EFNA5: variants seen among roughly 807,000 people sequenced by gnomAD.
EFNA5 encodes ephrin A5.
Under a neutral mutation model 22.9 loss-of-function variants are expected in EFNA5, and 5 were observed. The observed-to-expected ratio is 0.22, with a 90% CI of 0.11 to 0.46. The LOEUF (loss-of-function observed/expected upper bound fraction) is 0.46, where lower values mean the gene tolerates loss of function less well. Among genes scored for constraint, EFNA5 ranks in the 20% least tolerant of loss-of-function variants. The probability of loss-of-function intolerance (pLI) is 0.99; values close to 1 mark genes in which losing one functional copy is unlikely to be tolerated. For missense variants in EFNA5, 237 were observed against 293.3 expected (o/e 0.81, Z 1.40); for synonymous variants, 113 against 112.2 (o/e 1.01, Z -0.04).
intron 2 of EFNA5, among the ~76,000 whole-genome samples, chr5:107,393,893 G>A (rs1394921215): frequency 1.3e-5 from 2 of 152,168 alleles, no homozygotes; most frequent in Non-Finnish European, 2.9e-5. Context: ...TACATGAGTG[G>A]AGTGGGGAAA....
intron 1 of EFNA5, among the ~76,000 whole-genome samples, chr5:107,497,916 T>G (rs866695427): frequency 2.0e-5 from 3 of 152,218 alleles, no homozygotes; most frequent in Admixed American, 6.5e-5. Context: ...ATTTTTATTA[T>G]TAGTAGTATT....
intron 1 of EFNA5, among the ~76,000 whole-genome samples, chr5:107,457,398 CTGA>C (rs1749723148): frequency 6.6e-6 from 1 of 152,048 alleles, no homozygotes; most frequent in African/African-American, 2.4e-5. Flanking sequence ...GCTTAAGTCC[CTGA>C]TATAAAAAGG....
intron 1 of EFNA5, among the ~76,000 whole-genome samples, chr5:107,526,088 C>A (rs570787541): frequency 4.6e-5 from 7 of 152,210 alleles, no homozygotes; most frequent in Non-Finnish European, 1.0e-4. Context: ...GTATAGCCAG[C>A]AAATACGGAA....
chr5:107,631,330 T>C (rs1464876286), intron 1 of EFNA5, among the ~76,000 whole-genome samples: 1 of 151,720 alleles, frequency 6.6e-6, no homozygotes, highest in Non-Finnish European at 1.5e-5. Flanking sequence ...TTCATATATA[T>C]GGAATATTTT....
chr5:107,449,288 C>T (rs140817916), intron 1 of EFNA5, among the ~76,000 whole-genome samples: 32 of 151,700 alleles, frequency 2.1e-4, no homozygotes, highest in African/African-American at 5.1e-4. Context: ...GAGTGTCCAA[C>T]GCCTAGAGGC....
At chr5:107,661,356 GAAACTT>G (rs1229489800) in intron 1 of EFNA5, among the ~76,000 whole-genome samples, 4 of 152,290 alleles carry the variant, frequency 2.6e-5, no homozygotes, top group African/African-American at 9.6e-5. Context: ...GGTAAGGTGA[GAAACTT>G]AAAATGAAAA....
chr5:107,434,613 T>C (rs1406674669), intron 1 of EFNA5, among the ~76,000 whole-genome samples: 1 of 152,210 alleles, frequency 6.6e-6, no homozygotes, highest in Non-Finnish European at 1.5e-5. Context: ...AGAACCTGCT[T>C]CCAGGGAAAT....
At chr5:107,589,316 A>G (rs1203460724) in intron 1 of EFNA5, among the ~76,000 whole-genome samples, 2 of 152,216 alleles carry the variant, frequency 1.3e-5, no homozygotes, top group Non-Finnish European at 2.9e-5. Flanking sequence ...TGGTCATTTG[A>G]GTTTCATTCC....
chr5:107,621,859 G>A (rs1257492813), intron 1 of EFNA5, among the ~76,000 whole-genome samples: 2 of 152,198 alleles, frequency 1.3e-5, no homozygotes, highest in Non-Finnish European at 2.9e-5. Context: ...CAAGATGTGA[G>A]TTTGGTTTTA....
intron 1 of EFNA5, among the ~76,000 whole-genome samples, chr5:107,667,338 C>A (rs1751098655): frequency 6.6e-6 from 1 of 151,972 alleles, no homozygotes; most frequent in Non-Finnish European, 1.5e-5. Context: ...GAAGTGAATA[C>A]CTGGGTACAT....
intron 1 of EFNA5, among the ~76,000 whole-genome samples, chr5:107,473,401 C>A (rs1750196639): frequency 6.6e-6 from 1 of 151,672 alleles, no homozygotes; most frequent in African/African-American, 2.4e-5. Flanking sequence ...CTAATGAATT[C>A]CACTTATTCT....
chr5:107,477,712 T>C (rs1443093990), intron 1 of EFNA5, among the ~76,000 whole-genome samples: 1 of 152,232 alleles, frequency 6.6e-6, no homozygotes, highest in Non-Finnish European at 1.5e-5. Context: ...CTACCTGCAC[T>C]GTTTCCTTTT....
At chr5:107,481,346 A>T (rs545075625) in intron 1 of EFNA5, among the ~76,000 whole-genome samples, 2 of 152,214 alleles carry the variant, frequency 1.3e-5, no homozygotes. Context: ...GGCCTTCTCC[A>T]TCGCACTGGG....
rs1228233421 is a variant in EFNA5, at chr5:107,580,736, AAAAAGAAAAG to A, written c.125+89743_125+89752del. 4.0e-3 allele frequency among the ~76,000 whole-genome samples: 588 copies of A among 147,450 alleles called. 7 individuals are homozygous for A. Among genetic ancestry groups the A allele is most frequent in the Non-Finnish European group, 4.3e-3 (291 of 67,190 alleles). ...GACTCCATCTCAAAAAAAAAAAAAA[AAAAAGAAAAG>A]AAAAGAAAAGAAAAAAGAAAAACAA... On this transcript the variant is annotated intron_variant, in intron 1 of 4. Transcript: ENST00000333274.
At chr5:107,387,527 T>C (rs1425078003) in intron 3 of EFNA5, among the ~76,000 whole-genome samples, 179 bp downstream of exon 3, 1 of 152,132 alleles carries the variant, frequency 6.6e-6, no homozygotes, top group Non-Finnish European at 1.5e-5. Flanking sequence ...TGTACTTAAG[T>C]AAAAGCATCA....
intron 2 of EFNA5, among the ~76,000 whole-genome samples, chr5:107,408,190 CATCA>C (rs1748271812): frequency 1.3e-5 from 2 of 151,968 alleles, no homozygotes; most frequent in African/African-American, 2.4e-5. Flanking sequence ...CACACACACC[CATCA>C]CCATCACCAT....
chr5:107,580,411 G>A (rs1266652250), intron 1 of EFNA5, among the ~76,000 whole-genome samples: 1 of 152,014 alleles, frequency 6.6e-6, no homozygotes, highest in African/African-American at 2.4e-5. Context: ...AAATTAGGGT[G>A]AGCAACTGCA....
At chr5:107,487,490 A>G (rs1284817586) in intron 1 of EFNA5, among the ~76,000 whole-genome samples, 2 of 152,264 alleles carry the variant, frequency 1.3e-5, no homozygotes, top group Non-Finnish European at 2.9e-5. Context: ...AATAAAGGAA[A>G]GAAGGAATAT....
chr5:107,547,270 T>A (rs1434906936), intron 1 of EFNA5, among the ~76,000 whole-genome samples: 1 of 152,178 alleles, frequency 6.6e-6, no homozygotes, highest in African/African-American at 2.4e-5. Context: ...AGCAAGGCAT[T>A]TTCCCATAGA....
Sources: gnomAD v4.1 joint callset for allele counts (sites outside exome capture counted in the v4.1 genomes callset) on GRCh38, gnomAD v4.1.1 for gene constraint, MANE v1.5 for transcripts, NCBI Gene and HGNC (gene_info 2026-07-23, HGNC 2026-07-21) for gene names.